KCNN2: variants seen among roughly 807,000 people sequenced by gnomAD.
The protein encoded by KCNN2 is potassium calcium-activated channel subfamily N member 2, also known as small conductance calcium-activated potassium channel protein 2.
Under a neutral mutation model 55.5 loss-of-function variants are expected in KCNN2, and 24 were observed. The ratio of observed to expected loss-of-function variants is 0.43; its 90% confidence interval spans 0.31 to 0.61. KCNN2 has a LOEUF of 0.61. Ranked by LOEUF, KCNN2 falls within the 20% of genes least tolerant of loss-of-function variation. The probability of loss-of-function intolerance (pLI) is 0.08; values close to 1 mark genes in which losing one functional copy is unlikely to be tolerated. For missense variants in KCNN2, 754 were observed against 853.6 expected (o/e 0.88, Z 1.45); for synonymous variants, 431 against 336.1 (o/e 1.28, Z -3.09).
At chr5:114,272,398 TATGTATGTACATATCTACACAC>T in intron 2 of KCNN2, among the ~76,000 whole-genome samples, 2 of 74,448 alleles carry the variant, frequency 2.7e-5, no homozygotes, top group South Asian at 1.2e-3. Context: ...TACACACATA[TATGTATGTACATATCTACACAC>T]ATATGTACGT....
chr5:114,154,267 T>C (rs1172096002), intron 1 of KCNN2, among the ~76,000 whole-genome samples: 2 of 152,140 alleles, frequency 1.3e-5, no homozygotes, highest in South Asian at 2.1e-4. Flanking sequence ...ACCAGTGTTA[T>C]GGCATGTGCA....
chr5:114,145,804 T>C (rs1454848286), intron 1 of KCNN2, among the ~76,000 whole-genome samples: 1 of 152,090 alleles, frequency 6.6e-6, no homozygotes, highest in East Asian at 1.9e-4. Flanking sequence ...GGTAGAAGGA[T>C]CAGTGTCATC....
chr5:114,166,299 C>G (rs1020754771), intron 1 of KCNN2, among the ~76,000 whole-genome samples: 1 of 152,156 alleles, frequency 6.6e-6, no homozygotes, highest in East Asian at 1.9e-4. Flanking sequence ...TACTCCATAA[C>G]AACCAAGAAC....
At chr5:114,469,948 G>C (rs545897040) in intron 4 of KCNN2, among the ~76,000 whole-genome samples, 1 of 152,166 alleles carries the variant, frequency 6.6e-6, no homozygotes, top group Admixed American at 6.5e-5. Flanking sequence ...GTTTCTAAGT[G>C]GCTCTGGAGG....
At chr5:114,442,122 G>C (rs373467813) in intron 3 of KCNN2, among the ~76,000 whole-genome samples, 3 of 151,998 alleles carry the variant, frequency 2.0e-5, no homozygotes, top group African/African-American at 4.8e-5. Flanking sequence ...TCCTGGTTAG[G>C]AACAGGATAA....
intron 2 of KCNN2, among the ~76,000 whole-genome samples, chr5:114,276,079 G>A (rs551845190): frequency 1.1e-4 from 17 of 152,058 alleles, no homozygotes; most frequent in East Asian, 5.8e-4. Context: ...CCTTCATTTC[G>A]TTATGTATCC....
intron 1 of KCNN2, among the ~76,000 whole-genome samples, chr5:114,167,312 C>G (rs1392370514): frequency 6.6e-6 from 1 of 152,024 alleles, no homozygotes; most frequent in African/African-American, 2.4e-5. Context: ...TTTATGCTAC[C>G]AAGTTTGATT....
chr5:114,145,879 G>A (rs567893371), intron 1 of KCNN2, among the ~76,000 whole-genome samples: 1 of 152,238 alleles, frequency 6.6e-6, no homozygotes, highest in African/African-American at 2.4e-5. Flanking sequence ...ATGGCTGACT[G>A]GATTGTCTGT....
At chr5:114,279,012 C>G (rs1413340038) in intron 2 of KCNN2, among the ~76,000 whole-genome samples, 1 of 57,792 alleles carries the variant, frequency 1.7e-5, no homozygotes, top group African/African-American at 4.9e-5. Flanking sequence ...AAGCAACCCC[C>G]TAGTTCTCAT....
chr5:114,198,463 T>TACACACACAC (rs56335930), intron 1 of KCNN2, among the ~76,000 whole-genome samples: 7 of 147,820 alleles, frequency 4.7e-5, no homozygotes, highest in African/African-American at 7.5e-5. Context: ...TATATACATA[T>TACACACACAC]ACACACACAC....
At chr5:114,095,423 G>A (rs1232317558) in intron 1 of KCNN2, among the ~76,000 whole-genome samples, 1 of 152,080 alleles carries the variant, frequency 6.6e-6, no homozygotes, top group Non-Finnish European at 1.5e-5. Flanking sequence ...ATCCCTATGA[G>A]CCTCAGGAGA....
At position 114,188,966 on chromosome 5, in the gene KCNN2, A is replaced by G. The variant is rs542850500; in HGVS notation, c.-270-32514A>G. On this transcript the variant is annotated intron_variant, in intron 1 of 10. Transcript: ENST00000512097. ...GTTGATTCCAAACATTATATGAAAA[A>G]TGAAGGTTCAAGGAATTGAGGAAAA... Among the ~76,000 whole-genome samples the G allele has an allele frequency of 1.1e-3, 171 of 152,288 alleles. 3 individuals are homozygous for G. Among genetic ancestry groups the G allele is most frequent in the Admixed American group, 6.8e-3 (104 of 15,298 alleles).
intron 1 of KCNN2, among the ~76,000 whole-genome samples, chr5:114,183,990 G>T (rs906229143): frequency 6.6e-5 from 10 of 152,122 alleles, no homozygotes; most frequent in Non-Finnish European, 1.0e-4. Context: ...AATGCTGAAA[G>T]ATATATGCCT....
chr5:114,097,627 CT>C (rs1751286752), intron 1 of KCNN2, among the ~76,000 whole-genome samples: 1 of 152,190 alleles, frequency 6.6e-6, no homozygotes, highest in Non-Finnish European at 1.5e-5. Context: ...ATGAACGTCT[CT>C]TGTTTTCTTT....
At chr5:114,077,363 T>C (rs965808640) in intron 1 of KCNN2, among the ~76,000 whole-genome samples, 1 of 152,174 alleles carries the variant, frequency 6.6e-6, no homozygotes, top group Non-Finnish European at 1.5e-5. Flanking sequence ...TGTGGAAGTG[T>C]GGGTCAGTGG....
chr5:114,146,028 C>T (rs946487495), intron 1 of KCNN2, among the ~76,000 whole-genome samples: 7 of 152,076 alleles, frequency 4.6e-5, no homozygotes, highest in African/African-American at 1.7e-4. Context: ...AGGTGTCTAG[C>T]AGGAATGCAA....
At chr5:114,476,773 T>G (rs528480674) in intron 5 of KCNN2, among the ~76,000 whole-genome samples, 7 of 152,226 alleles carry the variant, frequency 4.6e-5, no homozygotes, top group Non-Finnish European at 8.8e-5. Context: ...ATATTAATGT[T>G]AAAATGACAC....
intron 2 of KCNN2, among the ~76,000 whole-genome samples, chr5:114,404,076 C>G (rs1408067324): frequency 6.6e-6 from 1 of 152,112 alleles, no homozygotes; most frequent in Non-Finnish European, 1.5e-5. Context: ...GCTTTAAATC[C>G]AGACTGAAAG....
intron 2 of KCNN2, among the ~76,000 whole-genome samples, chr5:114,243,408 T>C (rs761417169): frequency 1.3e-5 from 2 of 152,172 alleles, no homozygotes; most frequent in Non-Finnish European, 2.9e-5. Context: ...TTAAATTGCA[T>C]GTAATCCTGA....
Sources: allele counts gnomAD v4.1 joint callset (sites outside exome capture counted in the v4.1 genomes callset), GRCh38; gene constraint gnomAD v4.1.1; transcripts MANE v1.5; gene names NCBI Gene and HGNC (gene_info 2026-07-23, HGNC 2026-07-21).